Variants in TTC21B observed in about 807,000 individuals in gnomAD.
TTC21B encodes the protein tetratricopeptide repeat protein 21B.
In TTC21B, 127 loss-of-function variants were observed where a neutral mutation model predicts 175.1. The observed-to-expected ratio is 0.73, with a 90% CI of 0.63 to 0.84. TTC21B has a LOEUF of 0.84. TTC21B is among the 40% of genes least tolerant of loss of function. The probability of loss-of-function intolerance (pLI) is 0.00; values close to 1 mark genes in which losing one functional copy is unlikely to be tolerated. For missense variants in TTC21B, 1,561 were observed against 1,558.3 expected (o/e 1.00, Z -0.03); for synonymous variants, 524 against 524.5 (o/e 1.00, Z 0.01).
intron 1 of TTC21B, among the ~76,000 whole-genome samples, chr2:165,950,095 G>C (rs1687715728): frequency 7.5e-6 from 1 of 132,826 alleles, no homozygotes; most frequent in Non-Finnish European, 1.6e-5. Context: ...AAAGACAAGA[G>C]GCTTCCATTG....
chr2:165,948,259 C>T (rs1465098096), intron 3 of TTC21B: 3 of 65,072 alleles, frequency 4.6e-5, no homozygotes, highest in Non-Finnish European at 1.9e-4. Context: ...TAATTATAAA[C>T]TCATGTTTCA....
At position 165,936,717 on chromosome 2, in the gene TTC21B, C is replaced by T. The variant is rs76797190; in HGVS notation, c.711-3660G>A. ...GCTCCACATCATGTCATCAGGGAAA[C>T]GCAAATTAAAATTAAAATAACAATG... is the stretch of plus-strand genomic sequence containing the variant. On this transcript the variant is annotated intron_variant, in intron 6 of 28. Coordinates refer to ENST00000243344, the MANE Select transcript of TTC21B (RefSeq NM_024753.5). Among the ~76,000 whole-genome samples, 1,084 of 152,034 alleles carry T rather than the reference C, an allele frequency of 7.1e-3. 8 individuals carry two copies. Among genetic ancestry groups the T allele is most frequent in the Middle Eastern group, 0.014 (4 of 294 alleles).
chr2:165,915,342 G>C lies in TTC21B; in HGVS notation c.1997C>G (p.Ala666Gly). ...TAAAGCCCGTTCAATATCTCCTTGG[G>C]CTAGAGCAAGGTCTGCATTAGCAAT... ...VTIANADLALAQGDIERALSI... is the reference protein window; with the variant it reads ...VTIANADLALGQGDIERALSI... Residue 666 changes from alanine (A) to glycine (G), a missense_variant, in exon 15 of 29, where the codon GCC (alanine) becomes GGC (glycine). Ala to Gly is a moderately conservative substitution (Grantham distance 60). Transcript: ENST00000243344. 1 of 1,614,056 alleles carries C rather than the reference G, an allele frequency of 6.2e-7. No individual in the cohort carries two copies. Among genetic ancestry groups the C allele is most frequent in the Non-Finnish European group, 8.5e-7 (1 of 1,179,968 alleles).
intron 24 of TTC21B, among the ~76,000 whole-genome samples, chr2:165,889,539 G>T (rs566097526): frequency 6.6e-6 from 1 of 151,524 alleles, no homozygotes; most frequent in Non-Finnish European, 1.5e-5. Context: ...GCCTGAAGAA[G>T]ATTTCCACTT....
intron 25 of TTC21B, among the ~76,000 whole-genome samples, chr2:165,886,449 G>A (rs1159092271): frequency 6.6e-6 from 1 of 152,034 alleles, no homozygotes; most frequent in Non-Finnish European, 1.5e-5. Context: ...GCACTCGCTG[G>A]CTGCTTAATG....
In TTC21B at chr2:165,875,051, C is replaced by A. The variant is rs1684621386; in HGVS notation, c.3874-219G>T. Among the ~76,000 whole-genome samples, 5 of 151,250 alleles carry A rather than the reference C, an allele frequency of 3.3e-5. No individual in the cohort carries two copies. In the South Asian group the frequency reaches 1.0e-3, roughly 31 times the overall value. On this transcript the variant is annotated intron_variant, in intron 28 of 28. Transcript: ENST00000243344. ...AACAATAGAATGTAAATATCAAATG[C>A]AGAAAATATAACAAACAACTGCTTA...
intron 14 of TTC21B, among the ~76,000 whole-genome samples, chr2:165,915,797 A>ATC (rs1686147967): frequency 6.6e-6 from 1 of 152,178 alleles, no homozygotes; most frequent in Non-Finnish European, 1.5e-5. Flanking sequence ...CTCCACCAGA[A>ATC]CACTGTTGTT....
At chr2:165,946,047 T>C (rs921845777) in intron 3 of TTC21B, among the ~76,000 whole-genome samples, 3 of 151,852 alleles carry the variant, frequency 2.0e-5, no homozygotes, top group Non-Finnish European at 4.4e-5. Flanking sequence ...AAATTTTGGC[T>C]GGGCGCAGTG....
At position 165,915,357 on chromosome 2, in the gene TTC21B, G is replaced by C. The variant is rs1227381125; in HGVS notation, c.1982C>G (p.Ala661Gly). 1.9e-6 allele frequency: 3 copies of C among 1,614,104 alleles called. No individual in the cohort carries two copies. Among genetic ancestry groups the C allele is most frequent in the Non-Finnish European group, 2.5e-6 (3 of 1,179,984 alleles). ...SEEVRVTIAN[A>G]DLALAQGDIE... Reference sequence around the variant, plus strand: ...ATCTCCTTGGGCTAGAGCAAGGTCTGCATTAGCAATGGTAACCCGCACTTC... The same window carrying C: ...ATCTCCTTGGGCTAGAGCAAGGTCTCCATTAGCAATGGTAACCCGCACTTC... The change falls in exon 15 of 29, where the codon GCA becomes GGA. Residue 661 changes from alanine (A) to glycine (G), a missense_variant. Transcript: ENST00000243344.
chr2:165,883,906 A>G lies in TTC21B; in HGVS notation c.3572T>C (p.Ile1191Thr), dbSNP rs776721597. The G allele has an allele frequency of 1.4e-5, 22 of 1,614,024 alleles. No individual in the cohort carries two copies. The highest frequency in any genetic ancestry group is 1.9e-5 in the Non-Finnish European group (22 of 1,180,008). Reference sequence around the variant, plus strand: ...ACTCTTCTCAAACTCTTCAGCATCAATAGCATTCCAATTCATTTTCGCAAT... The same window carrying G: ...ACTCTTCTCAAACTCTTCAGCATCAGTAGCATTCCAATTCATTTTCGCAAT... ...KRIAKMNWNAIDAEEFEKSWL... is the reference protein window; with the variant it reads ...KRIAKMNWNATDAEEFEKSWL... Residue 1191 changes from isoleucine (I) to threonine (T), a missense_variant, in exon 26 of 29, where the codon ATT becomes ACT. By Grantham distance (89) the Ile-to-Thr change is moderately conservative. Coordinates refer to ENST00000243344, the MANE Select transcript of TTC21B (RefSeq NM_024753.5).
Position 165,915,338 on chromosome 2 carries a change from T to C in TTC21B, c.2001A>G (p.Gln667=). ...TGCTTAAAGCCCGTTCAATATCTCC[T>C]TGGGCTAGAGCAAGGTCTGCATTAG... is the stretch of plus-strand genomic sequence containing the variant. ...TIANADLALA[Q]GDIERALSIL... The change falls in exon 15 of 29, where the codon CAA becomes CAG. Residue 667 remains glutamine (Q), a synonymous_variant. Coordinates refer to ENST00000243344, the MANE Select transcript of TTC21B (RefSeq NM_024753.5). The C allele has an allele frequency of 6.2e-7, 1 of 1,614,124 alleles. No individual in the cohort carries two copies. The highest frequency in any genetic ancestry group is 8.5e-7 in the Non-Finnish European group (1 of 1,179,988).
intron 5 of TTC21B, among the ~76,000 whole-genome samples, chr2:165,942,824 T>A (rs1480490527): frequency 6.6e-6 from 1 of 152,214 alleles, no homozygotes; most frequent in Non-Finnish European, 1.5e-5. Flanking sequence ...ATATACCATA[T>A]AACTTACTTA....
chr2:165,902,716 G>A (rs1685609263), intron 19 of TTC21B, among the ~76,000 whole-genome samples: 1 of 152,130 alleles, frequency 6.6e-6, no homozygotes, highest in South Asian at 2.1e-4. Flanking sequence ...GCATACATCT[G>A]TTCATGTTTT....
At chr2:165,950,641 G>A (rs1393138976) in intron 1 of TTC21B, among the ~76,000 whole-genome samples, 1 of 152,156 alleles carries the variant, frequency 6.6e-6, no homozygotes, top group African/African-American at 2.4e-5. Flanking sequence ...TTGTTTTGGA[G>A]ATTCTGTCAC....
At chr2:165,932,337 AC>A (rs1410565109) in intron 7 of TTC21B, among the ~76,000 whole-genome samples, 1 of 152,190 alleles carries the variant, frequency 6.6e-6, no homozygotes, top group Non-Finnish European at 1.5e-5. Context: ...CTGAAGATTT[AC>A]CCCTACTAAG....
intron 3 of TTC21B, among the ~76,000 whole-genome samples, chr2:165,946,344 TA>T (rs911086449): frequency 4.8e-5 from 7 of 145,910 alleles, no homozygotes; most frequent in African/African-American, 1.3e-4. Context: ...GACTCAAAAA[TA>T]AAAAAAAAAG....
rs781212439 is a variant in TTC21B at position 165,888,351 on chromosome 2, G to A, written c.3387C>T (p.Cys1129=). 1.8e-5 allele frequency: 29 copies of A among 1,613,864 alleles called. No homozygotes were observed. In the East Asian group the frequency reaches 6.2e-4, roughly 35 times the overall value. Residue 1129 remains cysteine (C), a synonymous_variant, in exon 25 of 29, where the codon TGC becomes TGT. Transcript: ENST00000243344. ...TAGATTTCTGTTTGGTAGCCATTAA[G>A]CAATAGTTTTCCATTATGCGAAGCT... ...HVQLRIMENY[C]LMATKQKSNV...
At chr2:165,879,065 T>C (rs989583531) in intron 27 of TTC21B, among the ~76,000 whole-genome samples, 1 of 152,108 alleles carries the variant, frequency 6.6e-6, no homozygotes, top group Non-Finnish European at 1.5e-5. Context: ...GGGTGTTAGA[T>C]GCAATGACAA....
At chr2:165,912,692 A>C in intron 16 of TTC21B, 68 bp from the exon 17 acceptor site, 1 of 1,095,992 alleles carries the variant, frequency 9.1e-7, no homozygotes, top group Non-Finnish European at 1.4e-6. Context: ...AAAGGGCAAC[A>C]GTTCTATAAT....
Sources: gnomAD v4.1 joint callset for allele counts (sites outside exome capture counted in the v4.1 genomes callset) on GRCh38, gnomAD v4.1.1 for gene constraint, MANE v1.5 for transcripts, NCBI Gene and HGNC (gene_info 2026-07-23, HGNC 2026-07-21) for gene names.